Variants in SGSM1 observed in about 807,000 individuals in gnomAD.
SGSM1 encodes the protein small G protein signaling modulator 1.
In SGSM1, 73 loss-of-function variants were observed where a neutral mutation model predicts 133.8. The observed-to-expected ratio is 0.55, with a 90% confidence interval of 0.45 to 0.66. The LOEUF is 0.66. Ranked by LOEUF, SGSM1 falls within the 30% of genes least tolerant of loss-of-function variation. The pLI, the probability that SGSM1 is intolerant of heterozygous loss-of-function variation, is 0.00. For synonymous variants in SGSM1, 563 were observed against 573.0 expected (o/e 0.98, Z 0.25); for missense variants, 1,213 against 1,448.1 (o/e 0.84, Z 2.64).
intron 2 of SGSM1, among the ~76,000 whole-genome samples, chr22:24,814,571 G>C (rs1927953717): frequency 6.6e-6 from 1 of 152,056 alleles, no homozygotes; most frequent in East Asian, 1.9e-4. Context: ...AACAGCAAGG[G>C]CCTCAATTAC....
intron 5 of SGSM1, among the ~76,000 whole-genome samples, chr22:24,853,757 C>T (rs1930615959): frequency 6.7e-6 from 1 of 150,252 alleles, no homozygotes; most frequent in Admixed American, 6.7e-5. Flanking sequence ...CAGGCACCAC[C>T]ACGCCTGGTG....
intron 19 of SGSM1, among the ~76,000 whole-genome samples, chr22:24,900,561 C>G (rs1460955379): frequency 6.6e-6 from 1 of 151,924 alleles, no homozygotes; most frequent in African/African-American, 2.4e-5. Flanking sequence ...CCACGCCCGG[C>G]TGATTTTGTA....
chr22:24,865,232 C>G (rs1288560811), intron 9 of SGSM1, among the ~76,000 whole-genome samples: 2 of 152,184 alleles, frequency 1.3e-5, no homozygotes, highest in Non-Finnish European at 2.9e-5. Context: ...AAAGCAGAAC[C>G]ATTCTGCAGG....
intron 2 of SGSM1, among the ~76,000 whole-genome samples, chr22:24,838,235 G>A (rs1929580102): frequency 6.6e-6 from 1 of 152,134 alleles, no homozygotes; most frequent in South Asian, 2.1e-4. Flanking sequence ...AGGTCCTGCT[G>A]ATCACTGCAC....
chr22:24,828,969 G>A (rs1296442656), intron 2 of SGSM1, among the ~76,000 whole-genome samples: 7 of 152,116 alleles, frequency 4.6e-5, no homozygotes, highest in African/African-American at 9.7e-5. Flanking sequence ...TGAGGCAGGC[G>A]GAACATGAGG....
chr22:24,808,110 TTGG>T (rs1039587251), intron 2 of SGSM1, among the ~76,000 whole-genome samples: 2 of 150,160 alleles, frequency 1.3e-5, no homozygotes, highest in Non-Finnish European at 3.0e-5. Context: ...TTTTTTTTTC[TTGG>T]TGTTTTTTTT....
intron 14 of SGSM1, 89 bp from the exon 15 acceptor site, chr22:24,883,964 G>C: frequency 7.0e-7 from 1 of 1,419,712 alleles, no homozygotes; most frequent in Non-Finnish European, 9.3e-7. Flanking sequence ...TAAAAAATTT[G>C]AGGTGGGACA....
intron 3 of SGSM1, among the ~76,000 whole-genome samples, chr22:24,845,219 G>T (rs75536809): frequency 0.034 from 5,123 of 152,198 alleles, 311 homozygotes; most frequent in African/African-American, 0.12. Context: ...CATTCACACC[G>T]ACCACACCCC....
At chr22:24,901,547 C>T (rs539362799) in intron 19 of SGSM1, among the ~76,000 whole-genome samples, 9 of 152,198 alleles carry the variant, frequency 5.9e-5, no homozygotes, top group Admixed American at 2.0e-4. Flanking sequence ...CAGAATTTGC[C>T]CTCTGTGCAG....
intron 11 of SGSM1, 27 bp downstream of exon 11, chr22:24,868,566 G>T: frequency 6.2e-7 from 1 of 1,613,372 alleles, no homozygotes; most frequent in Non-Finnish European, 8.5e-7. Context: ...ACCCAGGGAG[G>T]CTGGGGTGGA....
chr22:24,908,849 A>G (rs560942770), intron 21 of SGSM1, among the ~76,000 whole-genome samples: 1 of 151,970 alleles, frequency 6.6e-6, no homozygotes, highest in Non-Finnish European at 1.5e-5. Flanking sequence ...TGGGTGAGGG[A>G]TTTGAATAGA....
At position 24,874,554 on chromosome 22, in the gene SGSM1, G is replaced by A. The variant is rs200979083; in HGVS notation, c.1292-2023G>A. 2,753 of 1,607,458 alleles carry A rather than the reference G, an allele frequency of 1.7e-3. 49 individuals carry two copies. The highest frequency in any genetic ancestry group is 2.6e-3 in the East Asian group (116 of 44,644). On this transcript the variant is annotated intron_variant, in intron 12 of 24. Coordinates refer to ENST00000400358, the MANE Select transcript of SGSM1 (RefSeq NM_001098497.3). ...CCAGATGGGACACTACTCTCCCCAC[G>A]CCAAGCCCGAAGGAGCAGCCCCCCA...
At chr22:24,852,539 G>GT (rs1358822192) in intron 5 of SGSM1, among the ~76,000 whole-genome samples, 1 of 152,128 alleles carries the variant, frequency 6.6e-6, no homozygotes, top group Non-Finnish European at 1.5e-5. Context: ...TGCGTCCCGT[G>GT]TTCAAGCGAT....
chr22:24,847,340 CT>C (rs1930203729), intron 3 of SGSM1, among the ~76,000 whole-genome samples: 1 of 152,324 alleles, frequency 6.6e-6, no homozygotes, highest in Admixed American at 6.5e-5. Flanking sequence ...CTGGTTTGCT[CT>C]TTAGAGCTCT....
Position 24,924,523 on chromosome 22 carries a change from T to C in SGSM1, c.*249T>C, listed in dbSNP as rs1226376150. On this transcript the variant is annotated 3_prime_UTR_variant, in exon 25 of 25. Transcript: ENST00000400358. Reference sequence around the variant, plus strand: ...TTGCCCAAGTCTGGCGTTCCTCCCTTGCAGGAGGTGGAGGTTGTTGGTGGA... The same window carrying C: ...TTGCCCAAGTCTGGCGTTCCTCCCTCGCAGGAGGTGGAGGTTGTTGGTGGA... The C allele has an allele frequency of 7.9e-6, 4 of 508,748 alleles. No homozygotes were observed. The highest frequency in any genetic ancestry group is 1.4e-5 in the Non-Finnish European group (4 of 282,630). The allele number at this position is 508,748 out of a possible 1,614,324, so 31.5% of individuals were successfully genotyped here.
At chr22:24,839,733 A>T (rs181864272) in intron 2 of SGSM1, among the ~76,000 whole-genome samples, 35 of 152,124 alleles carry the variant, frequency 2.3e-4, no homozygotes, top group Non-Finnish European at 3.5e-4. Flanking sequence ...CTAAGAATTT[A>T]TTCATCTTAT....
chr22:24,845,950 T>C (rs1317308166), intron 3 of SGSM1, among the ~76,000 whole-genome samples: 1 of 54,520 alleles, frequency 1.8e-5, no homozygotes, highest in African/African-American at 6.5e-5. Flanking sequence ...CTTTTCTTTC[T>C]TTCTTTCTTT....
intron 2 of SGSM1, among the ~76,000 whole-genome samples, chr22:24,819,080 A>G (rs533391175): frequency 1.3e-5 from 2 of 151,122 alleles, no homozygotes; most frequent in South Asian, 4.2e-4. Flanking sequence ...TGGGAGGCGG[A>G]GCTTGCAGTG....
intron 16 of SGSM1, among the ~76,000 whole-genome samples, chr22:24,889,921 G>T (rs188817376): frequency 6.7e-6 from 1 of 148,422 alleles, no homozygotes; most frequent in Non-Finnish European, 1.5e-5. Flanking sequence ...AAAGTGCTGG[G>T]ATTATAGGCG....
Sources: gnomAD v4.1 joint callset for allele counts (sites outside exome capture counted in the v4.1 genomes callset) on GRCh38, gnomAD v4.1.1 for gene constraint, MANE v1.5 for transcripts, NCBI Gene and HGNC (gene_info 2026-07-23, HGNC 2026-07-21) for gene names.